SAMTOR: variants seen among roughly 807,000 people sequenced by gnomAD.
SAMTOR encodes the protein UPF0532 protein C7orf60.
At chr7:112,937,069 A>G in the SAMTOR span, among the ~76,000 whole-genome samples, 6 of 152,216 alleles carry the variant, frequency 3.9e-5, no homozygotes, top group Admixed American at 3.9e-4. Flanking sequence ...AAAATGAAGA[A>G]GCTATTAGAT....
At chr7:112,826,482 T>C in the SAMTOR span, among the ~76,000 whole-genome samples, 1 of 152,174 alleles carries the variant, frequency 6.6e-6, no homozygotes, top group East Asian at 1.9e-4. Flanking sequence ...ATACTTTTAA[T>C]GTTGGTAAAA....
At chr7:112,870,750 T>TA in the SAMTOR span, among the ~76,000 whole-genome samples, 6,173 of 135,554 alleles carry the variant, frequency 0.046, 313 homozygotes, top group African/African-American at 0.12. Flanking sequence ...GAAATTGGAT[T>TA]AAAAAAAAAA....
chr7:112,939,267 C>T, the SAMTOR span: 2 of 343,760 alleles, frequency 5.8e-6, no homozygotes, highest in East Asian at 5.7e-5. Flanking sequence ...ACCCCCACCT[C>T]CTCTGTGAGC....
chr7:112,939,729 G>GGCCGCCGGCCCCTGGCTCCATATCGCA, the SAMTOR span: 1 of 1,604,188 alleles, frequency 6.2e-7, no homozygotes, highest in Non-Finnish European at 8.5e-7. Context: ...GCAGTATTTC[G>GGCCGCCGGCCCCTGGCTCCATATCGCA]GCCGCCGGCC....
the SAMTOR span, among the ~76,000 whole-genome samples, chr7:112,891,768 G>A: frequency 1.3e-5 from 2 of 152,154 alleles, no homozygotes; most frequent in South Asian, 2.1e-4. Context: ...AATACTTTAT[G>A]GCTAAAAAAT....
the SAMTOR span, among the ~76,000 whole-genome samples, chr7:112,929,197 G>T: frequency 6.6e-6 from 1 of 151,056 alleles, no homozygotes; most frequent in Non-Finnish European, 1.5e-5. Context: ...CCTGATAAGG[G>T]GTTAATATCC....
At chr7:112,883,154 G>A in the SAMTOR span, among the ~76,000 whole-genome samples, 3 of 152,194 alleles carry the variant, frequency 2.0e-5, no homozygotes, top group Admixed American at 2.0e-4. Flanking sequence ...TGGATTGGCA[G>A]TGACCATCTA....
chr7:112,936,705 C>G, the SAMTOR span, among the ~76,000 whole-genome samples: 1 of 152,164 alleles, frequency 6.6e-6, no homozygotes, highest in African/African-American at 2.4e-5. Context: ...CTATCCTGTC[C>G]TTAATATTCA....
chr7:112,934,156 C>T, the SAMTOR span, among the ~76,000 whole-genome samples: 1 of 152,130 alleles, frequency 6.6e-6, no homozygotes, highest in African/African-American at 2.4e-5. Flanking sequence ...AGCAGACACC[C>T]GATCCCTGGG....
the SAMTOR span, chr7:112,821,760 A>C: frequency 6.2e-7 from 1 of 1,600,556 alleles, no homozygotes; most frequent in South Asian, 1.1e-5. Context: ...TAAAAGTAAT[A>C]TGGGGTCTTC....
chr7:112,924,171 T>C, the SAMTOR span, among the ~76,000 whole-genome samples: 1 of 151,884 alleles, frequency 6.6e-6, no homozygotes, highest in African/African-American at 2.4e-5. Context: ...TGTGCATATG[T>C]ACCCTAAAAC....
At chr7:112,868,578 G>C in the SAMTOR span, among the ~76,000 whole-genome samples, 2 of 152,172 alleles carry the variant, frequency 1.3e-5, no homozygotes, top group East Asian at 3.9e-4. Flanking sequence ...AAAGACACCA[G>C]GAAGCTGCAG....
At chr7:112,904,039 A>C in the SAMTOR span, among the ~76,000 whole-genome samples, 1 of 152,200 alleles carries the variant, frequency 6.6e-6, no homozygotes, top group Non-Finnish European at 1.5e-5. Context: ...TAACTATTAT[A>C]AATAGTTATG....
the SAMTOR span, chr7:112,935,249 C>T: frequency 6.7e-6 from 3 of 447,082 alleles, no homozygotes; most frequent in African/African-American, 6.0e-5. Context: ...TTTAAAGCAG[C>T]TGTGTTTAAA....
the SAMTOR span, among the ~76,000 whole-genome samples, chr7:112,873,035 C>T: frequency 1.3e-5 from 2 of 151,090 alleles, no homozygotes; most frequent in African/African-American, 4.9e-5. Context: ...ACAAAGAGAA[C>T]TATAAAACTC....
the SAMTOR span, among the ~76,000 whole-genome samples, chr7:112,881,357 T>G: frequency 1.3e-5 from 2 of 152,116 alleles, no homozygotes; most frequent in African/African-American, 4.8e-5. Flanking sequence ...GCTTGAAGAC[T>G]CAACTCAGCC....
At chr7:112,835,943 C>T in the SAMTOR span, among the ~76,000 whole-genome samples, 1 of 152,076 alleles carries the variant, frequency 6.6e-6, no homozygotes, top group Non-Finnish European at 1.5e-5. Context: ...CCGTGATGAA[C>T]GTATGTGTGC....
the SAMTOR span, among the ~76,000 whole-genome samples, chr7:112,930,626 G>A: frequency 6.6e-6 from 1 of 151,962 alleles, no homozygotes; most frequent in South Asian, 2.1e-4. Context: ...AGTCTTTAAT[G>A]TCATAGTCCT....
chr7:112,829,947 C>A, the SAMTOR span, among the ~76,000 whole-genome samples: 1 of 152,140 alleles, frequency 6.6e-6, no homozygotes, highest in Non-Finnish European at 1.5e-5. Flanking sequence ...TTCTCATATA[C>A]ATGTGTGCTG....
Sources: allele counts gnomAD v4.1 joint callset (sites outside exome capture counted in the v4.1 genomes callset), GRCh38; gene constraint gnomAD v4.1.1; transcripts MANE v1.5; gene names NCBI Gene and HGNC (gene_info 2026-07-23, HGNC 2026-07-21).